ALOX5AP: variants seen among roughly 807,000 people sequenced by gnomAD.
ALOX5AP encodes the protein arachidonate 5-lipoxygenase-activating protein.
ALOX5AP carries 9 observed loss-of-function variants against 18.5 expected under a neutral mutation model. The observed-to-expected ratio is 0.49, with a 90% CI of 0.29 to 0.85. The LOEUF (loss-of-function observed/expected upper bound fraction) is 0.85, where lower values mean the gene tolerates loss of function less well. ALOX5AP is among the 40% of genes least tolerant of loss of function. ALOX5AP has a pLI of 0.08. For missense variants in ALOX5AP, 172 were observed against 202.5 expected (o/e 0.85, Z 0.91); for synonymous variants, 81 against 78.6 (o/e 1.03, Z -0.16).
chr13:30,755,383 T>C (rs1951884839), intron 3 of ALOX5AP, among the ~76,000 whole-genome samples: 2 of 152,204 alleles, frequency 1.3e-5, no homozygotes, highest in African/African-American at 4.8e-5. Context: ...CTCTGCCCCC[T>C]TTTACGAGCT....
At chr13:30,735,463 A>C, upstream of ALOX5AP, 1 of 1,351,194 alleles carries the variant, frequency 7.4e-7, no homozygotes, top group East Asian at 2.6e-5. Context: ...AAAAAAAGGA[A>C]GAAGAAGGCA....
intron 4 of ALOX5AP, among the ~76,000 whole-genome samples, chr13:30,758,785 C>T (rs1566089671): frequency 6.6e-6 from 1 of 151,422 alleles, no homozygotes; most frequent in African/African-American, 2.4e-5. Flanking sequence ...CTTCTCTTTT[C>T]CCCTTCCCTT....
chr13:30,716,826 T>C (rs550477697), intron 1 of ALOX5AP, among the ~76,000 whole-genome samples: 16 of 152,296 alleles, frequency 1.1e-4, no homozygotes, highest in African/African-American at 3.9e-4. Context: ...TGATCTCTTA[T>C]AGGGAGGGAA....
chr13:30,724,615 A>G (rs775955238), intron 1 of ALOX5AP, among the ~76,000 whole-genome samples: 8 of 152,200 alleles, frequency 5.3e-5, no homozygotes, highest in Non-Finnish European at 1.2e-4. Context: ...TTTGGAGCAA[A>G]GCTGTGTCAT....
chr13:30,735,403 G>C, upstream of ALOX5AP: 1 of 1,166,644 alleles, frequency 8.6e-7, no homozygotes, highest in Non-Finnish European at 1.1e-6. Flanking sequence ...GGGACACACT[G>C]AACCACAGCC....
At chr13:30,738,344 G>A (rs1486465096) in intron 1 of ALOX5AP, among the ~76,000 whole-genome samples, 1 of 152,170 alleles carries the variant, frequency 6.6e-6, no homozygotes, top group African/African-American at 2.4e-5. Flanking sequence ...AAAACAGAAC[G>A]AGTTTAAAAT....
At chr13:30,747,169 T>G (rs1186435289) in intron 2 of ALOX5AP, among the ~76,000 whole-genome samples, 1 of 152,242 alleles carries the variant, frequency 6.6e-6, no homozygotes, top group African/African-American at 2.4e-5. Flanking sequence ...GTGTATATTT[T>G]AATTCTAATT....
chr13:30,743,305 A>AT (rs1369195734), intron 1 of ALOX5AP, among the ~76,000 whole-genome samples: 2 of 151,744 alleles, frequency 1.3e-5, no homozygotes, highest in African/African-American at 4.8e-5. Context: ...TAATTTATGT[A>AT]TTTTGCTTAA....
intron 1 of ALOX5AP, among the ~76,000 whole-genome samples, chr13:30,714,180 G>A (rs373711294): frequency 7.0e-4 from 101 of 143,684 alleles, no homozygotes; most frequent in African/African-American, 2.5e-3. Context: ...ATAGGCATTA[G>A]GGGATGTGAT....
At chr13:30,743,741 A>G (rs4254165) in intron 1 of ALOX5AP, among the ~76,000 whole-genome samples, 45,558 of 151,802 alleles carry the variant, frequency 0.3, 7,067 homozygotes, top group East Asian at 0.41. Context: ...TGAAAGCACC[A>G]TGTACTCAAT....
At chr13:30,718,822 C>T (rs767289480) in intron 1 of ALOX5AP, among the ~76,000 whole-genome samples, 10 of 152,196 alleles carry the variant, frequency 6.6e-5, no homozygotes, top group Non-Finnish European at 1.3e-4. Context: ...TCCTGCTATG[C>T]TCATAGCTGA....
At chr13:30,731,888 G>C (rs1951684416), upstream of ALOX5AP, among the ~76,000 whole-genome samples, 1 of 152,246 alleles carries the variant, frequency 6.6e-6, no homozygotes, top group South Asian at 2.1e-4. Flanking sequence ...ATCCGGGCAG[G>C]CAGGGCGGGC....
At chr13:30,757,396 A>G (rs1566089277) in intron 4 of ALOX5AP, among the ~76,000 whole-genome samples, 1 of 152,130 alleles carries the variant, frequency 6.6e-6, no homozygotes, top group Non-Finnish European at 1.5e-5. Context: ...CTCTTTCTTC[A>G]TTCCTCTCTA....
intron 1 of ALOX5AP, among the ~76,000 whole-genome samples, chr13:30,743,337 T>C (rs1200904225): frequency 6.6e-6 from 1 of 152,196 alleles, no homozygotes; most frequent in Non-Finnish European, 1.5e-5. Flanking sequence ...TGTCTCCTCC[T>C]CTGCTGTCCT....
At chr13:30,724,228 G>A (rs1951619054) in intron 1 of ALOX5AP, among the ~76,000 whole-genome samples, 1 of 152,174 alleles carries the variant, frequency 6.6e-6, no homozygotes, top group East Asian at 1.9e-4. Context: ...CTTCTGCTCA[G>A]TGTAATGTTT....
Position 30,713,914 on chromosome 13 carries a change from G to A in ALOX5AP, c.116+73G>A, listed in dbSNP as rs865863066. The A allele has an allele frequency of 4.9e-5, 72 of 1,482,872 alleles. No individual in the cohort carries two copies. The Middle Eastern group carries it at 1.5e-3, about 32-fold the overall frequency. 91.9% of individuals were successfully genotyped at this position (1,482,872 alleles called of 1,614,324 possible). A position where few individuals can be genotyped will look rare whatever the true frequency, so the allele number is the denominator to read the frequency against. On this transcript the variant is annotated intron_variant, in intron 1 of 5. Transcript: ENST00000617770. ...CATGCCTCCTACAAATTTGACCTGGGCCCAGGGCCATGTTCGGTGGTTTTT... is the reference window on the plus strand; with the variant it reads ...CATGCCTCCTACAAATTTGACCTGGACCCAGGGCCATGTTCGGTGGTTTTT...
upstream of ALOX5AP, among the ~76,000 whole-genome samples, chr13:30,734,625 A>G (rs1566082366): frequency 6.6e-6 from 1 of 151,878 alleles, no homozygotes; most frequent in South Asian, 2.1e-4. Flanking sequence ...AAGCACAGCC[A>G]CTCTACTCTT....
chr13:30,732,588 G>C (rs75433830), upstream of ALOX5AP, among the ~76,000 whole-genome samples: 1,466 of 152,230 alleles, frequency 9.6e-3, 23 homozygotes, highest in African/African-American at 0.033. Context: ...CCTGCCATCT[G>C]GTTGACCTCT....
upstream of ALOX5AP, among the ~76,000 whole-genome samples, chr13:30,733,878 C>T (rs992100008): frequency 1.3e-5 from 2 of 149,416 alleles, no homozygotes; most frequent in African/African-American, 5.0e-5. Context: ...CACCATTGCC[C>T]TCCATCTTCT....
Sources: gnomAD v4.1 joint callset for allele counts (sites outside exome capture counted in the v4.1 genomes callset) on GRCh38, gnomAD v4.1.1 for gene constraint, MANE v1.5 for transcripts, NCBI Gene and HGNC (gene_info 2026-07-23, HGNC 2026-07-21) for gene names.